Variants in MED13L observed in about 807,000 individuals in gnomAD.
MED13L encodes mediator of RNA polymerase II transcription subunit 13-like.
Under a neutral mutation model 220.9 loss-of-function variants are expected in MED13L, and 7 were observed. The observed-to-expected ratio is 0.03, with a 90% CI of 0.02 to 0.06. MED13L has a LOEUF of 0.06. Among genes scored for constraint, MED13L ranks in the 10% least tolerant of loss-of-function variants. The probability of loss-of-function intolerance (pLI) is 1.00; values close to 1 mark genes in which losing one functional copy is unlikely to be tolerated. For synonymous variants in MED13L, 1,011 were observed against 1,015.2 expected (o/e 1.00, Z 0.08); for missense variants, 1,965 against 2,760.5 (o/e 0.71, Z 6.46).
At chr12:116,147,267 C>T (rs1009857837) in intron 2 of MED13L, among the ~76,000 whole-genome samples, 3 of 152,126 alleles carry the variant, frequency 2.0e-5, no homozygotes, top group South Asian at 4.1e-4. Context: ...TTTATCATTT[C>T]AAATAGTAAA....
At chr12:116,047,217 G>A (rs543622300) in intron 4 of MED13L, among the ~76,000 whole-genome samples, 2 of 152,254 alleles carry the variant, frequency 1.3e-5, no homozygotes, top group East Asian at 3.9e-4. Flanking sequence ...GGCCAGGCCT[G>A]GTAGCGCATG....
At chr12:116,129,288 G>T (rs1469381776) in intron 2 of MED13L, among the ~76,000 whole-genome samples, 1 of 152,124 alleles carries the variant, frequency 6.6e-6, no homozygotes, top group Non-Finnish European at 1.5e-5. Flanking sequence ...CCATTTTCAG[G>T]AGAGTTATTA....
intron 17 of MED13L, among the ~76,000 whole-genome samples, chr12:115,988,328 C>G (rs1877837960): frequency 6.6e-6 from 1 of 152,154 alleles, no homozygotes; most frequent in African/African-American, 2.4e-5. Context: ...ACACACAAAT[C>G]TAGATTGCCA....
intron 4 of MED13L, among the ~76,000 whole-genome samples, chr12:116,078,078 AG>A (rs963920950): frequency 6.9e-6 from 1 of 144,260 alleles, no homozygotes; most frequent in Non-Finnish European, 1.5e-5. Flanking sequence ...CGGGAGTCAG[AG>A]GTTGCTGAGC....
chr12:115,964,748 G>A (rs1412950777), intron 29 of MED13L, among the ~76,000 whole-genome samples: 3 of 151,956 alleles, frequency 2.0e-5, no homozygotes, highest in Admixed American at 2.0e-4. Context: ...ATAATCTTTG[G>A]TAACTTTCTT....
intron 1 of MED13L, among the ~76,000 whole-genome samples, chr12:116,240,471 A>T (rs747209584): frequency 1.6e-4 from 25 of 152,304 alleles, no homozygotes. Flanking sequence ...ATCTATAAAC[A>T]TCAAAGAAGG....
chr12:116,059,979 C>T (rs1302497202), intron 4 of MED13L, among the ~76,000 whole-genome samples: 1 of 151,940 alleles, frequency 6.6e-6, no homozygotes, highest in African/African-American at 2.4e-5. Flanking sequence ...GATATAGAAC[C>T]CCTTAAAGAA....
At chr12:116,125,699 C>T (rs894688101) in intron 2 of MED13L, among the ~76,000 whole-genome samples, 1 of 152,124 alleles carries the variant, frequency 6.6e-6, no homozygotes, top group Non-Finnish European at 1.5e-5. Context: ...AGTCATGACT[C>T]CCCCAAAACT....
At chr12:116,140,734 A>C (rs565239589) in intron 2 of MED13L, among the ~76,000 whole-genome samples, 46 of 152,354 alleles carry the variant, frequency 3.0e-4, no homozygotes, top group African/African-American at 1.1e-3. Flanking sequence ...TGGAGCAGAA[A>C]CTGATTCAGC....
chr12:116,153,629 G>A (rs1878217310), intron 2 of MED13L, among the ~76,000 whole-genome samples: 1 of 152,114 alleles, frequency 6.6e-6, no homozygotes, highest in South Asian at 2.1e-4. Flanking sequence ...TATTCCTATG[G>A]CAACTCCTCA....
At chr12:115,969,238 G>C in intron 27 of MED13L, 141 bp from the exon 28 acceptor site, 1 of 928,654 alleles carries the variant, frequency 1.1e-6, no homozygotes, top group African/African-American at 1.6e-5. Flanking sequence ...CTTAGATTCA[G>C]TTAGGACCTA....
At chr12:116,218,535 C>T (rs909019935) in intron 2 of MED13L, among the ~76,000 whole-genome samples, 3 of 152,012 alleles carry the variant, frequency 2.0e-5, no homozygotes, top group Admixed American at 1.3e-4. Context: ...TCCAGAAATT[C>T]GGTCTTCAGG....
chr12:116,192,170 T>C (rs1199004353), intron 2 of MED13L, among the ~76,000 whole-genome samples: 1 of 152,212 alleles, frequency 6.6e-6, no homozygotes, highest in Non-Finnish European at 1.5e-5. Flanking sequence ...GTACAACCAG[T>C]GCCCTGGATC....
intron 1 of MED13L, among the ~76,000 whole-genome samples, chr12:116,246,247 G>A (rs1871088793): frequency 6.7e-6 from 1 of 150,124 alleles, no homozygotes; most frequent in Non-Finnish European, 1.5e-5. Flanking sequence ...AAGCTACTGG[G>A]TGTGTACTTA....
rs775899433 is a variant in MED13L at position 115,983,213 on chromosome 12, C to T, written c.4859G>A (p.Gly1620Asp). The T allele has an allele frequency of 8.7e-6, 14 of 1,613,988 alleles. No individual in the cohort carries two copies. The highest frequency in any genetic ancestry group is 1.6e-4 in the Middle Eastern group (1 of 6,082). The stretch of plus-strand genomic sequence containing the variant: ...CCCTTGCGTTCTATCCGCAGAAATG[C>T]CCCCAGTGCTGGGGTTCTGCCCTCC... ...SVGGQNPSTG[G>D]ISADRTQGNI... is the part of the protein sequence containing the mutation. The change falls in exon 21 of 31, where the codon GGC (glycine) becomes GAC (aspartate). Residue 1620 changes from glycine to aspartate, a missense_variant. Gly to Asp is a moderately conservative substitution (Grantham distance 94, BLOSUM62 -1). Coordinates refer to ENST00000281928, the MANE Select transcript of MED13L (RefSeq NM_015335.5).
At chr12:116,204,808 T>C (rs916735899) in intron 2 of MED13L, among the ~76,000 whole-genome samples, 9 of 152,222 alleles carry the variant, frequency 5.9e-5, no homozygotes, top group African/African-American at 2.2e-4. Context: ...ATTATTATTA[T>C]CTTATTTTCT....
At chr12:116,031,599 A>G (rs1441339176) in intron 4 of MED13L, among the ~76,000 whole-genome samples, 6 of 122,064 alleles carry the variant, frequency 4.9e-5, no homozygotes, top group Non-Finnish European at 1.0e-4. Flanking sequence ...CCAAAAAAAG[A>G]AGAGAGAAGA....
At chr12:116,207,551 A>G (rs979166042) in intron 2 of MED13L, among the ~76,000 whole-genome samples, 5 of 152,200 alleles carry the variant, frequency 3.3e-5, no homozygotes, top group Admixed American at 2.6e-4. Context: ...AACAACAAAA[A>G]AAGAGTTAGC....
chr12:116,120,444 C>T (rs867592389), intron 2 of MED13L, among the ~76,000 whole-genome samples: 2 of 69,050 alleles, frequency 2.9e-5, no homozygotes, highest in South Asian at 7.1e-4. Flanking sequence ...CTCTCTTTCT[C>T]TCTCTCTCTC....
Sources: allele counts gnomAD v4.1 joint callset (sites outside exome capture counted in the v4.1 genomes callset), GRCh38; gene constraint gnomAD v4.1.1; transcripts MANE v1.5; gene names NCBI Gene and HGNC (gene_info 2026-07-23, HGNC 2026-07-21).